ADAM23: variants seen among roughly 807,000 people sequenced by gnomAD.
ADAM23 encodes the protein disintegrin and metalloproteinase domain-containing protein 23.
ADAM23 carries 33 observed loss-of-function variants against 120.1 expected under a neutral mutation model. The observed-to-expected ratio is 0.27, with a 90% CI of 0.21 to 0.37. The LOEUF is 0.37. Among genes scored for constraint, ADAM23 ranks in the 10% least tolerant of loss-of-function variants. ADAM23 has a pLI of 1.00. For synonymous variants in ADAM23, 367 were observed against 375.2 expected, an observed-to-expected ratio of 0.98 and a Z score of 0.25; for missense variants, 862 against 1,058.2, an observed-to-expected ratio of 0.81 and a Z score of 2.57.
chr2:206,457,838 G>T (rs1695329940), intron 2 of ADAM23, among the ~76,000 whole-genome samples: 1 of 152,152 alleles, frequency 6.6e-6, no homozygotes, highest in African/African-American at 2.4e-5. Context: ...GCTGCTTGAA[G>T]AAGTAGGTCT....
chr2:206,478,015 TAAAGAA>T (rs1695820005), intron 2 of ADAM23, among the ~76,000 whole-genome samples: 1 of 150,910 alleles, frequency 6.6e-6, no homozygotes, highest in African/African-American at 2.4e-5. Context: ...AATATTTTGT[TAAAGAA>T]AAAGTGACAA....
At chr2:206,584,444 C>G (rs1212034103) in intron 18 of ADAM23, among the ~76,000 whole-genome samples, 1 of 152,188 alleles carries the variant, frequency 6.6e-6, no homozygotes, top group Admixed American at 6.5e-5. Flanking sequence ...CCTTTGTCTT[C>G]CACTATAATC....
intron 2 of ADAM23, among the ~76,000 whole-genome samples, chr2:206,479,708 C>T (rs1007105466): frequency 6.6e-6 from 1 of 152,012 alleles, no homozygotes; most frequent in African/African-American, 2.4e-5. Context: ...CTCTCTCACT[C>T]ATAGTTGTAT....
chr2:206,557,299 C>G (rs1215890121), intron 9 of ADAM23, 128 bp from the exon 10 acceptor site: 1 of 789,570 alleles, frequency 1.3e-6, no homozygotes, highest in Admixed American at 2.1e-5. Context: ...TCCAGTATAC[C>G]ACAAACTAAA....
At chr2:206,493,513 C>T (rs1696175177) in intron 3 of ADAM23, among the ~76,000 whole-genome samples, 1 of 152,168 alleles carries the variant, frequency 6.6e-6, no homozygotes, top group Non-Finnish European at 1.5e-5. Flanking sequence ...GCTGGGATTA[C>T]AGGCATCCGC....
At chr2:206,563,912 A>T (rs1432263806) in intron 13 of ADAM23, among the ~76,000 whole-genome samples, 1 of 151,696 alleles carries the variant, frequency 6.6e-6, no homozygotes, top group African/African-American at 2.4e-5. Context: ...TTGTATTTTT[A>T]GTAGAGATGG....
intron 14 of ADAM23, among the ~76,000 whole-genome samples, chr2:206,566,467 G>T (rs1194829968): frequency 7.0e-6 from 1 of 143,810 alleles, no homozygotes; most frequent in African/African-American, 2.7e-5. Flanking sequence ...GTGTGCGTGT[G>T]TGTGATTCAG....
chr2:206,495,920 G>A (rs1409745205), intron 3 of ADAM23, among the ~76,000 whole-genome samples: 1 of 152,160 alleles, frequency 6.6e-6, no homozygotes, highest in African/African-American at 2.4e-5. Context: ...TTATGTAATG[G>A]TAAAGGGATC....
At chr2:206,535,085 A>G (rs370221962) in intron 4 of ADAM23, among the ~76,000 whole-genome samples, 10 of 151,970 alleles carry the variant, frequency 6.6e-5, no homozygotes, top group East Asian at 5.8e-4. Context: ...GTTGTCCCAC[A>G]TTGTCTCTGC....
chr2:206,589,537 A>G (rs375576698), intron 21 of ADAM23, 23 bp downstream of exon 21: 15 of 1,587,676 alleles, frequency 9.4e-6, no homozygotes, highest in Non-Finnish European at 1.2e-5. Flanking sequence ...CTCTAAGGGC[A>G]TAGTCACTGG....
At chr2:206,515,903 C>G (rs185014933) in intron 3 of ADAM23, among the ~76,000 whole-genome samples, 208 of 152,046 alleles carry the variant, frequency 1.4e-3, no homozygotes, top group African/African-American at 4.9e-3. Flanking sequence ...CTGTTTCTGG[C>G]TCATTTTGTC....
chr2:206,445,651 G>T, intron 2 of ADAM23, 127 bp downstream of exon 2: 1 of 766,716 alleles, frequency 1.3e-6, no homozygotes, highest in South Asian at 1.9e-5. Flanking sequence ...TTAATATTAT[G>T]ATAGGGGAGA....
chr2:206,477,900 AT>A (rs1695813414), intron 2 of ADAM23, among the ~76,000 whole-genome samples: 36 of 113,764 alleles, frequency 3.2e-4, no homozygotes, highest in East Asian at 2.8e-3. Flanking sequence ...AAAAAAAAAT[AT>A]ATATATATAT....
At chr2:206,595,703 GA>G (rs1428028969) in intron 23 of ADAM23, among the ~76,000 whole-genome samples, 2 of 151,870 alleles carry the variant, frequency 1.3e-5, no homozygotes, top group African/African-American at 4.8e-5. Context: ...GAACAAAGTA[GA>G]AAAAAGTATC....
chr2:206,520,723 T>C (rs1011891748), intron 3 of ADAM23, among the ~76,000 whole-genome samples: 4 of 152,086 alleles, frequency 2.6e-5, no homozygotes, highest in African/African-American at 9.7e-5. Context: ...CTTATCTGTG[T>C]TCAGCCCTTC....
At chr2:206,463,327 G>C (rs893985182) in intron 2 of ADAM23, among the ~76,000 whole-genome samples, 1 of 152,154 alleles carries the variant, frequency 6.6e-6, no homozygotes, top group Non-Finnish European at 1.5e-5. Context: ...TGAGTGATGC[G>C]AGGAGGGGCC....
At chr2:206,528,056 G>A (rs1303548646) in intron 3 of ADAM23, among the ~76,000 whole-genome samples, 1 of 152,186 alleles carries the variant, frequency 6.6e-6, no homozygotes, top group East Asian at 1.9e-4. Flanking sequence ...GAATGCCCTT[G>A]TAATTACAGG....
chr2:206,471,562 A>G lies in ADAM23; in HGVS notation c.433-9670A>G, dbSNP rs540097654. ...ATGTAATGAGTCACAGACACTAAGCATGGTGCTTGGTGTCTTGCTTTCCAA... is the reference window on the plus strand; with the variant it reads ...ATGTAATGAGTCACAGACACTAAGCGTGGTGCTTGGTGTCTTGCTTTCCAA... On this transcript the variant is annotated intron_variant, in intron 2 of 25. Coordinates refer to ENST00000264377, the MANE Select transcript of ADAM23 (RefSeq NM_003812.4). Among the ~76,000 whole-genome samples, 9 of 152,290 alleles carry G rather than the reference A, an allele frequency of 5.9e-5. No individual in the cohort carries two copies. In the South Asian group the frequency reaches 1.5e-3, roughly 25 times the overall value.
chr2:206,589,131 T>G (rs1334293263), intron 20 of ADAM23, among the ~76,000 whole-genome samples: 6 of 152,226 alleles, frequency 3.9e-5, no homozygotes, highest in African/African-American at 2.4e-5. Context: ...GAAATTTATT[T>G]CTCAGGCTAA....
Sources: allele counts gnomAD v4.1 joint callset (sites outside exome capture counted in the v4.1 genomes callset), GRCh38; gene constraint gnomAD v4.1.1; transcripts MANE v1.5; gene names NCBI Gene and HGNC (gene_info 2026-07-23, HGNC 2026-07-21).